The following C8orf74 variants were observed in gnomAD, a reference collection of about 807,000 sequenced individuals.
The protein encoded by C8orf74 is chromosome 8 open reading frame 74, also known as uncharacterized protein C8orf74.
A neutral mutation model predicts 22.2 loss-of-function variants in C8orf74; 29 were observed. The ratio of observed to expected loss-of-function variants is 1.31; its 90% CI spans 0.97 to 1.78. The LOEUF (loss-of-function observed/expected upper bound fraction) is 1.78, where lower values mean the gene tolerates loss of function less well. C8orf74 is among the 40% of genes most tolerant of loss of function. C8orf74 has a pLI of 0.00. For missense variants in C8orf74, 515 were observed against 369.9 expected (o/e 1.39, Z -3.22); for synonymous variants, 255 against 163.1 (o/e 1.56, Z -4.30).
chr8:10,681,741 G>A (rs1799155335), intron 2 of C8orf74, among the ~76,000 whole-genome samples: 1 of 152,244 alleles, frequency 6.6e-6, no homozygotes, highest in South Asian at 2.1e-4. Flanking sequence ...GACAGCTGAA[G>A]CAGGAAGAAC....
At chr8:10,681,811 G>C (rs549930680) in intron 2 of C8orf74, among the ~76,000 whole-genome samples, 1 of 152,378 alleles carries the variant, frequency 6.6e-6, no homozygotes, top group African/African-American at 2.4e-5. Flanking sequence ...CTTGTGACCG[G>C]TCAGTGGAGG....
chr8:10,679,883 C>G (rs1486633053), intron 2 of C8orf74: 2 of 152,736 alleles, frequency 1.3e-5, no homozygotes, highest in African/African-American at 4.8e-5. Context: ...TCCCCTTTCT[C>G]TCTCCACTCA....
At chr8:10,699,140 G>T (rs1336136344) in intron 3 of C8orf74, among the ~76,000 whole-genome samples, 1 of 152,172 alleles carries the variant, frequency 6.6e-6, no homozygotes, top group African/African-American at 2.4e-5. Context: ...CACGGAGCAG[G>T]GTGGGGCATG....
chr8:10,695,514 G>A (rs1799472421), intron 2 of C8orf74, among the ~76,000 whole-genome samples: 1 of 152,204 alleles, frequency 6.6e-6, no homozygotes, highest in South Asian at 2.1e-4. Flanking sequence ...GCTCCAAGTG[G>A]AGTGGTGCCC....
intron 3 of C8orf74, among the ~76,000 whole-genome samples, chr8:10,698,249 C>A (rs1339593693): frequency 6.6e-6 from 1 of 152,188 alleles, no homozygotes; most frequent in African/African-American, 2.4e-5. Context: ...ACCAAGCTAG[C>A]ATATGGTAGA....
At chr8:10,680,950 C>G (rs1335782078) in intron 2 of C8orf74, among the ~76,000 whole-genome samples, 1 of 152,046 alleles carries the variant, frequency 6.6e-6, no homozygotes, top group East Asian at 1.9e-4. Flanking sequence ...GGCTAAAATC[C>G]ACACTGGGCT....
At chr8:10,672,807 C>T (rs1031719888) in intron 1 of C8orf74, 94 bp downstream of exon 1, 13 of 1,132,472 alleles carry the variant, frequency 1.1e-5, no homozygotes, top group Middle Eastern at 2.1e-4. Flanking sequence ...CAGGAGACCC[C>T]GGGGCAGCCA....
intron 2 of C8orf74, chr8:10,687,278 A>G (rs894263743): frequency 2.7e-6 from 1 of 364,370 alleles, no homozygotes; most frequent in African/African-American, 2.1e-5. Flanking sequence ...ACAGGTAAGA[A>G]CACTGCTGCC....
chr8:10,686,954 C>T (rs1251787335), intron 2 of C8orf74: 5 of 365,592 alleles, frequency 1.4e-5, no homozygotes, highest in Non-Finnish European at 2.2e-5. Context: ...GGTGGGGCCC[C>T]GTGCCCGCCC....
rs189742303 is a variant in C8orf74 at position 10,698,436 on chromosome 8, G to C, written c.648+431G>C. On this transcript the variant is annotated intron_variant, in intron 3 of 3. Coordinates refer to ENST00000304519, the MANE Select transcript of C8orf74 (RefSeq NM_001040032.2). ...TGGGGGAGAAGATGGAGGAGGCAGG[G>C]ACATGGGGACAGCTTGGGGAGGGTC... is the stretch of plus-strand genomic sequence containing the variant. 1.3e-3 allele frequency among the ~76,000 whole-genome samples: 191 copies of C among 152,250 alleles called. 1 individual carries two copies. Among genetic ancestry groups the C allele is most frequent in the African/African-American group, 4.5e-3 (186 of 41,546 alleles).
At chr8:10,690,899 C>G in intron 2 of C8orf74, 1 of 456,178 alleles carries the variant, frequency 2.2e-6, no homozygotes, top group Non-Finnish European at 4.4e-6. Flanking sequence ...TGGGGACCAT[C>G]TTCAGGAAGT....
intron 2 of C8orf74, among the ~76,000 whole-genome samples, chr8:10,683,661 C>T (rs1222971823): frequency 6.6e-6 from 1 of 152,194 alleles, no homozygotes; most frequent in African/African-American, 2.4e-5. Flanking sequence ...GCTGTGGCTA[C>T]AGGGACCGTC....
chr8:10,677,290 C>T (rs936022503), intron 2 of C8orf74, among the ~76,000 whole-genome samples: 28 of 152,124 alleles, frequency 1.8e-4, no homozygotes, highest in African/African-American at 6.0e-4. Flanking sequence ...TTCTTAGCAG[C>T]GTGTGGGCCC....
At chr8:10,681,877 G>C (rs114441426) in intron 2 of C8orf74, among the ~76,000 whole-genome samples, 2,365 of 152,244 alleles carry the variant, frequency 0.016, 67 homozygotes, top group African/African-American at 0.054. Flanking sequence ...GGCATCTGCA[G>C]TTCCACCCAT....
chr8:10,697,553 C>T (rs764319582), intron 2 of C8orf74, 46 bp from the exon 3 acceptor site: 4 of 1,565,308 alleles, frequency 2.6e-6, no homozygotes, highest in Non-Finnish European at 2.6e-6. Context: ...CCTGGCAGGG[C>T]AGCTCTGTCC....
chr8:10,689,383 G>A (rs1799327174), intron 2 of C8orf74: 1 of 152,214 alleles, frequency 6.6e-6, no homozygotes, highest in Non-Finnish European at 1.5e-5. Flanking sequence ...GCCCCAAATA[G>A]ATTTGAGAAG....
intron 3 of C8orf74, 64 bp from the exon 4 acceptor site, chr8:10,700,171 A>T: frequency 1.9e-6 from 2 of 1,028,526 alleles, no homozygotes; most frequent in South Asian, 3.2e-5. Flanking sequence ...ACAGGGGCTG[A>T]GTTGAGAACT....
chr8:10,680,300 G>A (rs558468436), intron 2 of C8orf74, among the ~76,000 whole-genome samples: 7 of 152,330 alleles, frequency 4.6e-5, no homozygotes, highest in East Asian at 1.9e-4. Flanking sequence ...CTGTGCCTCC[G>A]TTTCCACCTC....
intron 2 of C8orf74, chr8:10,691,849 C>A (rs531386106): frequency 6.6e-6 from 1 of 152,582 alleles, no homozygotes; most frequent in Non-Finnish European, 1.5e-5. Flanking sequence ...ATGAACCACC[C>A]TGTCCAAACT....
Sources: allele counts gnomAD v4.1 joint callset (sites outside exome capture counted in the v4.1 genomes callset), GRCh38; gene constraint gnomAD v4.1.1; transcripts MANE v1.5; gene names NCBI Gene and HGNC (gene_info 2026-07-23, HGNC 2026-07-21).